Variants in PRKACB observed in about 807,000 individuals in gnomAD.
PRKACB encodes the protein cAMP-dependent protein kinase catalytic subunit beta.
PRKACB carries 16 observed loss-of-function variants against 51.4 expected under a neutral mutation model. The ratio of observed to expected loss-of-function variants is 0.31; its 90% confidence interval spans 0.21 to 0.47. The LOEUF is 0.47. Among genes scored for constraint, PRKACB ranks in the 20% least tolerant of loss-of-function variants. The pLI, the probability that PRKACB is intolerant of heterozygous loss-of-function variation, is 1.00. For synonymous variants in PRKACB, 147 were observed against 154.4 expected, an observed-to-expected ratio of 0.95 and a Z score of 0.35; for missense variants, 309 against 464.5, an observed-to-expected ratio of 0.67 and a Z score of 3.08.
chr1:84,169,466 A>G (rs181628876), intron 1 of PRKACB, among the ~76,000 whole-genome samples: 49 of 151,848 alleles, frequency 3.2e-4, no homozygotes, highest in Non-Finnish European at 6.3e-4. Flanking sequence ...ATTAGAGGCA[A>G]TAAAAACCAG....
chr1:84,150,041 G>A (rs1654637376), intron 1 of PRKACB, among the ~76,000 whole-genome samples: 2 of 152,100 alleles, frequency 1.3e-5, no homozygotes, highest in South Asian at 4.1e-4. Context: ...GAGGTGGGCA[G>A]ATCCCTTGCA....
intron 1 of PRKACB, among the ~76,000 whole-genome samples, chr1:84,176,450 C>T (rs892396615): frequency 2.0e-5 from 3 of 151,590 alleles, no homozygotes; most frequent in Non-Finnish European, 4.4e-5. Flanking sequence ...ACACATAATC[C>T]AATATATTGT....
Position 84,227,855 on chromosome 1 carries a change from T to G in PRKACB, c.1072-7325T>G, listed in dbSNP as rs528877848. ...ACTATGCACAGCAGTGCAAAAATCA[T>G]AGTAAATATGAATAGTTTTAATTGT... On this transcript the variant is annotated intron_variant, in intron 9 of 9. Transcript: ENST00000370685. Among the ~76,000 whole-genome samples the G allele has an allele frequency of 3.3e-5, 5 of 152,326 alleles. No homozygotes were observed. In the South Asian group the frequency reaches 1.0e-3, roughly 32 times the overall value.
intron 1 of PRKACB, among the ~76,000 whole-genome samples, chr1:84,099,060 G>A (rs1461263334): frequency 2.6e-5 from 4 of 152,020 alleles, no homozygotes; most frequent in Admixed American, 6.6e-5. Flanking sequence ...CTAAGACAGG[G>A]TAGGGTGGGA....
At chr1:84,217,978 A>AT (rs1453405276) in intron 9 of PRKACB, among the ~76,000 whole-genome samples, 1 of 152,166 alleles carries the variant, frequency 6.6e-6, no homozygotes, top group African/African-American at 2.4e-5. Flanking sequence ...TATTAAATTA[A>AT]TATATACATC....
intron 1 of PRKACB, among the ~76,000 whole-genome samples, chr1:84,111,220 A>C (rs1338705777): frequency 6.6e-6 from 1 of 152,062 alleles, no homozygotes; most frequent in Non-Finnish European, 1.5e-5. Context: ...TTCTTAAAGT[A>C]CTTTTTAAGG....
rs113299800 is a variant in PRKACB, at chr1:84,169,784, A to T, written c.188-9393A>T. Among the ~76,000 whole-genome samples, 627 of 151,764 alleles carry T rather than the reference A, an allele frequency of 4.1e-3. 8 individuals carry two copies. The highest frequency in any genetic ancestry group is 0.014 in the African/African-American group (583 of 41,504). On this transcript the variant is annotated intron_variant, in intron 1 of 9. Transcript: ENST00000370685. ...AAAGACCTCATTTTGTTTTGACAAG[A>T]TTAACAAAGATGCCAATGCCTAAAT...
chr1:84,163,407 A>G (rs12753033), intron 1 of PRKACB, among the ~76,000 whole-genome samples: 1 of 152,058 alleles, frequency 6.6e-6, no homozygotes, highest in East Asian at 1.9e-4. Context: ...CCAAGGCCAT[A>G]GCCTTAGACT....
chr1:84,202,560 G>A (rs1670433038), intron 7 of PRKACB, 123 bp from the exon 8 acceptor site: 8 of 891,352 alleles, frequency 9.0e-6, no homozygotes, highest in Non-Finnish European at 1.3e-5. Context: ...GTCCTGAATA[G>A]CTGCTCAGCA....
At position 84,184,129 on chromosome 1, in the gene PRKACB, T is replaced by C. The variant is rs761172483; in HGVS notation, c.471T>C (p.Ala157=). ...CTTTCCTTGTTCGACTGGAGTATGC[T>C]TTTAAGGTAAATTTTAGTAATATCT... ...NFPFLVRLEY[A]FKDNSNLYMV... Residue 157 remains alanine, a synonymous_variant, in exon 4 of 10, where the codon GCT becomes GCC. Transcript: ENST00000370685. 6.3e-7 allele frequency: 1 copy of C among 1,597,146 alleles called. No individual in the cohort carries two copies. Among genetic ancestry groups the C allele is most frequent in the Non-Finnish European group, 8.5e-7 (1 of 1,173,220 alleles).
intron 1 of PRKACB, 124 bp from the exon 2 acceptor site, chr1:84,179,053 A>G (rs763263786): frequency 5.1e-5 from 57 of 1,108,418 alleles, no homozygotes; most frequent in Non-Finnish European, 6.7e-5. Flanking sequence ...TGATAAATAT[A>G]CATTTTATCA....
intron 1 of PRKACB, among the ~76,000 whole-genome samples, chr1:84,150,223 A>AGGTGAGATTGCACCACTGCAGTCC (rs1414155291): frequency 6.6e-6 from 1 of 152,198 alleles, no homozygotes; most frequent in Non-Finnish European, 1.5e-5. Flanking sequence ...GGCTGCAGTG[A>AGGTGAGATTGCACCACTGCAGTCC]GGTGAGATTG....
intron 1 of PRKACB, among the ~76,000 whole-genome samples, chr1:84,176,783 A>T (rs1661428708): frequency 6.6e-6 from 1 of 151,950 alleles, no homozygotes; most frequent in South Asian, 2.1e-4. Flanking sequence ...AGACCTTTAT[A>T]AAAACTTTTC....
chr1:84,124,341 C>G (rs913262757), intron 1 of PRKACB, among the ~76,000 whole-genome samples: 2 of 152,186 alleles, frequency 1.3e-5, no homozygotes, highest in African/African-American at 4.8e-5. Context: ...AATGGAACTT[C>G]TATGCATGAT....
chr1:84,199,443 G>C (rs72710879), intron 7 of PRKACB, among the ~76,000 whole-genome samples: 112 of 152,208 alleles, frequency 7.4e-4, no homozygotes, highest in South Asian at 1.2e-3. Context: ...GAGGATGATA[G>C]CCTCCAGCTC....
intron 1 of PRKACB, among the ~76,000 whole-genome samples, chr1:84,081,459 C>T (rs1647523530): frequency 6.6e-6 from 1 of 152,180 alleles, no homozygotes; most frequent in South Asian, 2.1e-4. Context: ...GGTACTATTA[C>T]ATACCTAACT....
chr1:84,175,337 A>T (rs1660866286), intron 1 of PRKACB, among the ~76,000 whole-genome samples: 2 of 151,764 alleles, frequency 1.3e-5, no homozygotes, highest in Non-Finnish European at 3.0e-5. Context: ...ACAGTAAAAG[A>T]AAGATAAATA....
chr1:84,144,416 C>G lies in PRKACB; in HGVS notation c.55C>G (p.Leu19Val). 1 of 1,613,368 alleles carries G rather than the reference C, an allele frequency of 6.2e-7. No individual in the cohort carries two copies. Among genetic ancestry groups the G allele is most frequent in the Non-Finnish European group, 8.5e-7 (1 of 1,179,660 alleles). Residue 19 changes from leucine to valine, a missense_variant, in exon 1 of 10, where the codon CTT (leucine) becomes GTT (valine). Leu to Val is a conservative substitution (Grantham distance 32). Coordinates refer to ENST00000370685, the MANE Select transcript of PRKACB (RefSeq NM_182948.4). ...CNQYTGTTTA[L>V]QKLEGFASRL... ...CCAGTATACAGGTACAACTACAGCT[C>G]TTCAGAAATTGGAAGGTTTTGCTAG...
chr1:84,078,584 G>T (rs1284145523), intron 1 of PRKACB, among the ~76,000 whole-genome samples: 2 of 152,234 alleles, frequency 1.3e-5, no homozygotes, highest in Non-Finnish European at 2.9e-5. Context: ...GGCCGGATGT[G>T]GGGATCCTGG....
Sources: gnomAD v4.1 joint callset for allele counts (sites outside exome capture counted in the v4.1 genomes callset) on GRCh38, gnomAD v4.1.1 for gene constraint, MANE v1.5 for transcripts, NCBI Gene and HGNC (gene_info 2026-07-23, HGNC 2026-07-21) for gene names.